Variants in GRHL3 observed in about 807,000 individuals in gnomAD.
GRHL3 encodes grainyhead-like protein 3 homolog.
Under a neutral mutation model 70.3 loss-of-function variants are expected in GRHL3, and 20 were observed. The ratio of observed to expected loss-of-function variants is 0.28; its 90% CI spans 0.20 to 0.41. The LOEUF (loss-of-function observed/expected upper bound fraction) is 0.41. GRHL3 is among the 10% of genes least tolerant of loss of function. The pLI, the probability that GRHL3 is intolerant of heterozygous loss-of-function variation, is 1.00. For missense variants in GRHL3, 637 were observed against 762.3 expected, an observed-to-expected ratio of 0.84 and a Z score of 1.94; for synonymous variants, 299 against 299.9, an observed-to-expected ratio of 1.00 and a Z score of 0.03.
At chr1:24,350,236 C>A in intron 15 of GRHL3, 114 bp downstream of exon 15, 2 of 779,758 alleles carry the variant, frequency 2.6e-6, no homozygotes, top group Non-Finnish European at 4.2e-6. Flanking sequence ...AGCTCCCCAG[C>A]CAGGCCAAAG....
downstream of GRHL3, among the ~76,000 whole-genome samples, chr1:24,359,042 T>C (rs760554667): frequency 3.9e-5 from 6 of 152,158 alleles, no homozygotes; most frequent in Non-Finnish European, 7.4e-5. The surrounding 1 kb of genome is among the most constrained non-coding windows in gnomAD (Gnocchi z 5.3). Flanking sequence ...TTGGGAACTG[T>C]AGCCCCAGGT....
downstream of GRHL3, among the ~76,000 whole-genome samples, chr1:24,360,212 A>T (rs988230978): frequency 3.9e-5 from 6 of 152,214 alleles, no homozygotes; most frequent in African/African-American, 1.4e-4. Flanking sequence ...TGGGAGGCCA[A>T]GACGGGCAGA....
At position 24,322,369 on chromosome 1, in the gene GRHL3, G is replaced by C. The variant is rs1639228148; in HGVS notation, c.17+2801G>C. Reference sequence around the variant, plus strand: ...CTGATCTCCAGGAGCGCCGGCTCCAGACTGCCTGGAGCGCTGAAAGAGTTA... The same window carrying C: ...CTGATCTCCAGGAGCGCCGGCTCCACACTGCCTGGAGCGCTGAAAGAGTTA... On this transcript the variant is annotated intron_variant, in intron 1 of 15. Coordinates refer to ENST00000361548, the MANE Select transcript of GRHL3 (RefSeq NM_198173.3). This position sits in a 1 kb window ranked among gnomAD's most constrained non-coding sequence, Gnocchi z 4.4. 6.6e-6 allele frequency among the ~76,000 whole-genome samples: 1 copy of C among 152,224 alleles called. No individual in the cohort carries two copies. Among genetic ancestry groups the C allele is most frequent in the African/African-American group, 2.4e-5 (1 of 41,460 alleles).
At chr1:24,329,040 G>A (rs574252175) in intron 1 of GRHL3, among the ~76,000 whole-genome samples, 51 of 152,304 alleles carry the variant, frequency 3.3e-4, no homozygotes, top group African/African-American at 1.2e-3. Context: ...GGCCCAGGAA[G>A]CAATGAGGAG....
In GRHL3 at chr1:24,343,292, T is replaced by A. The variant is rs189709279; in HGVS notation, c.1419+267T>A. The A allele has an allele frequency of 2.8e-5, 12 of 435,192 alleles. No homozygotes were observed. In the East Asian group the frequency reaches 4.2e-4, roughly 15 times the overall value. 27.0% of individuals were successfully genotyped at this position (435,192 alleles called of 1,614,324 possible). A position where few individuals can be genotyped will look rare whatever the true frequency, so the allele number is the denominator to read the frequency against. ...GCACACAAAGAGGAGGCTTCTGATA[T>A]CTGACCCCAAATTTGATTGCAGCCC... On this transcript the variant is annotated intron_variant, in intron 11 of 15. Coordinates refer to ENST00000361548, the MANE Select transcript of GRHL3 (RefSeq NM_198173.3).
At chr1:24,358,462 G>C, downstream of GRHL3, 1 of 1,207,478 alleles carries the variant, frequency 8.3e-7, no homozygotes, top group African/African-American at 1.5e-5. Context: ...CTCATGATCG[G>C]TCTCCTCCTG....
intron 15 of GRHL3, chr1:24,360,999 C>T: frequency 6.2e-7 from 1 of 1,613,266 alleles, no homozygotes; most frequent in Non-Finnish European, 8.5e-7. Flanking sequence ...GCTTCGGAGG[C>T]AGAGGCGAAG....
At chr1:24,333,644 G>C (rs1223161928) in intron 2 of GRHL3, among the ~76,000 whole-genome samples, 1 of 152,190 alleles carries the variant, frequency 6.6e-6, no homozygotes, top group African/African-American at 2.4e-5. Context: ...ATGAGGAATG[G>C]AGAGGTTAAG....
At chr1:24,350,205 G>A (rs913082571) in intron 15 of GRHL3, 83 bp downstream of exon 15, 10 of 1,195,240 alleles carry the variant, frequency 8.4e-6, no homozygotes, top group Non-Finnish European at 1.2e-5. Context: ...GGGGCTGAGG[G>A]GATGTGGAGT....
intron 11 of GRHL3, 29 bp from the exon 12 acceptor site, chr1:24,344,868 T>C: frequency 6.2e-7 from 1 of 1,613,502 alleles, no homozygotes; most frequent in Non-Finnish European, 8.5e-7. Flanking sequence ...CTGCGTGTGA[T>C]GGAAAATGTC....
At chr1:24,348,173 C>T (rs1310659667) in intron 14 of GRHL3, among the ~76,000 whole-genome samples, 2 of 152,198 alleles carry the variant, frequency 1.3e-5, no homozygotes, top group Admixed American at 1.3e-4. Context: ...TTCAGGCTGG[C>T]GGAGTGAAAA....
Position 24,337,071 on chromosome 1 carries a change from TC to T in GRHL3, c.613-6del. 6.2e-7 allele frequency: 1 copy of T among 1,613,732 alleles called. No individual in the cohort carries two copies. Among genetic ancestry groups the T allele is most frequent in the Non-Finnish European group, 8.5e-7 (1 of 1,179,652 alleles). On this transcript the variant is annotated splice_polypyrimidine_tract_variant and splice_region_variant and intron_variant, in intron 4 of 15. Transcript: ENST00000361548. The stretch of plus-strand genomic sequence containing the variant: ...ATTTATTCTCTTGGGGCTGTGTTTC[TC>T]TGCAGTCGATGCTCTTCCCAGATAT...
In GRHL3 at chr1:24,342,334, C is replaced by T. The variant is rs943592692; in HGVS notation, c.1206+61C>T. ...GGGAGGTAGAAGGGCCAAACCCTGA[C>T]CCGTGCGTCCTCCTAGCTTCTCTGG... On this transcript the variant is annotated intron_variant, in intron 9 of 15. Coordinates refer to ENST00000361548, the MANE Select transcript of GRHL3 (RefSeq NM_198173.3). The surrounding 1 kb of genome is among the most constrained non-coding windows in gnomAD (Gnocchi z 4.8). 7.2e-7 allele frequency: 1 copy of T among 1,398,048 alleles called. No homozygotes were observed. Among genetic ancestry groups the T allele is most frequent in the African/African-American group, 1.5e-5 (1 of 68,042 alleles). 86.6% of individuals were successfully genotyped at this position (1,398,048 alleles called of 1,614,324 possible). A position where few individuals can be genotyped will look rare whatever the true frequency, so the allele number is the denominator to read the frequency against.
chr1:24,329,478 G>A (rs1353093384), intron 1 of GRHL3, among the ~76,000 whole-genome samples: 1 of 152,244 alleles, frequency 6.6e-6, no homozygotes, highest in Non-Finnish European at 1.5e-5. Context: ...CAACGGAAAA[G>A]CAGTGTGGCT....
intron 15 of GRHL3, among the ~76,000 whole-genome samples, chr1:24,353,798 T>C (rs1335677812): frequency 6.6e-6 from 1 of 152,150 alleles, no homozygotes; most frequent in South Asian, 2.1e-4. Flanking sequence ...CTCTCTCAGG[T>C]TGACCCAGGT....
chr1:24,324,023 A>G (rs1169192140), intron 1 of GRHL3, among the ~76,000 whole-genome samples: 1 of 152,176 alleles, frequency 6.6e-6, no homozygotes, highest in Non-Finnish European at 1.5e-5. Flanking sequence ...AGTAATCCTC[A>G]GTGAATGTTT....
intron 1 of GRHL3, 175 bp downstream of exon 1, chr1:24,319,743 T>C (rs1170813088): frequency 6.5e-7 from 1 of 1,529,564 alleles, no homozygotes; most frequent in African/African-American, 1.4e-5. Flanking sequence ...AGTCTCAAGC[T>C]AGAGGTGAGT....
intron 2 of GRHL3, among the ~76,000 whole-genome samples, chr1:24,332,648 C>G (rs1321688542): frequency 6.6e-6 from 1 of 152,226 alleles, no homozygotes; most frequent in Non-Finnish European, 1.5e-5. Context: ...CTCCAAGAAA[C>G]TTTCCTAGAT....
intron 1 of GRHL3, 68 bp from the exon 2 acceptor site, chr1:24,331,358 C>T (rs1451417605): frequency 5.6e-6 from 8 of 1,420,738 alleles, no homozygotes; most frequent in Non-Finnish European, 5.8e-6. Flanking sequence ...GGGCGTTGGC[C>T]TGCGGCTGCC....
Sources: allele counts gnomAD v4.1 joint callset (sites outside exome capture counted in the v4.1 genomes callset), GRCh38; gene constraint gnomAD v4.1.1; non-coding constraint Gnocchi (gnomAD v3.1); transcripts MANE v1.5; gene names NCBI Gene and HGNC (gene_info 2026-07-23, HGNC 2026-07-21).